The following BBIP1 variants were observed in gnomAD, a reference collection of about 807,000 sequenced individuals.
The protein encoded by BBIP1 is BBSome interacting protein 1.
Under a neutral mutation model 8.9 loss-of-function variants are expected in BBIP1, and 6 were observed. The observed-to-expected ratio is 0.67, with a 90% CI of 0.37 to 1.33. The LOEUF is 1.33. Among genes scored for constraint, BBIP1 ranks in the 40% most tolerant of loss-of-function variants. BBIP1 has a pLI of 0.02. For synonymous variants in BBIP1, 32 were observed against 33.4 expected, an observed-to-expected ratio of 0.96 and a Z score of 0.14; for missense variants, 111 against 109.2, an observed-to-expected ratio of 1.02 and a Z score of -0.07.
At chr10:110,915,500 G>A (rs1253019756) in intron 2 of BBIP1, among the ~76,000 whole-genome samples, 2 of 152,060 alleles carry the variant, frequency 1.3e-5, no homozygotes, top group Admixed American at 6.5e-5. Context: ...GAGAACTACT[G>A]TCATAGATTC....
chr10:110,905,766 T>C (rs1846117630), intron 2 of BBIP1, among the ~76,000 whole-genome samples: 1 of 152,188 alleles, frequency 6.6e-6, no homozygotes, highest in African/African-American at 2.4e-5. Context: ...GATGTTTAAA[T>C]TTCTTATCAT....
At chr10:110,914,828 A>G (rs1435719518) in intron 2 of BBIP1, among the ~76,000 whole-genome samples, 1 of 152,230 alleles carries the variant, frequency 6.6e-6, no homozygotes, top group Non-Finnish European at 1.5e-5. Flanking sequence ...CCAGTAGCAG[A>G]CACTACTATT....
chr10:110,900,549 A>G (rs1465315406), intron 3 of BBIP1, 23 bp from the exon 4 acceptor site: 29 of 1,500,154 alleles, frequency 1.9e-5, no homozygotes, highest in Non-Finnish European at 2.5e-5. Context: ...AGAAATAAGA[A>G]TTAATTCAAG....
At chr10:110,911,855 T>A (rs1317762599) in intron 2 of BBIP1, 1 of 152,088 alleles carries the variant, frequency 6.6e-6, no homozygotes, top group African/African-American at 2.4e-5. Context: ...TGAAGGAATA[T>A]CAACATTTAA....
rs758966750 is a variant in BBIP1 at position 110,901,538 on chromosome 10, C to G, written c.112G>C (p.Gly38Arg). Reference sequence around the variant, plus strand: ...ACCTCAATATTTGTGATGTACATACCTTGCTTTGGAAGAACTTCCCGGAAC... The same window carrying G: ...ACCTCAATATTTGTGATGTACATACGTTGCTTTGGAAGAACTTCCCGGAAC... ...SMFREVLPKQ[G>R]PLFVEDIMTM... is the part of the protein sequence containing the mutation. The change falls in exon 3 of 4, where the codon GGG (glycine) becomes CGG (arginine). Residue 38 changes from glycine (G) to arginine (R), a missense_variant and splice_region_variant. Coordinates refer to ENST00000448814, the MANE Select transcript of BBIP1 (RefSeq NM_001195305.3). The G allele has an allele frequency of 1.3e-6, 2 of 1,530,996 alleles. No individual in the cohort carries two copies. The highest frequency in any genetic ancestry group is 1.8e-6 in the Non-Finnish European group (2 of 1,142,298). 94.8% of individuals were successfully genotyped at this position (1,530,996 alleles called of 1,614,324 possible).
chr10:110,903,185 G>C (rs1044448452), intron 2 of BBIP1: 6 of 152,174 alleles, frequency 3.9e-5, no homozygotes, highest in African/African-American at 1.2e-4. Flanking sequence ...TGCTAAAGTG[G>C]TAGATAAACA....
chr10:110,917,178 T>C (rs1846426566), intron 2 of BBIP1, among the ~76,000 whole-genome samples: 1 of 149,196 alleles, frequency 6.7e-6, no homozygotes, highest in Non-Finnish European at 1.5e-5. Context: ...TAAAGAAAAA[T>C]TTTGACTGGA....
chr10:110,907,545 G>T, intron 2 of BBIP1: 2 of 461,784 alleles, frequency 4.3e-6, no homozygotes, highest in East Asian at 3.5e-5. Context: ...AGAAAAGAAA[G>T]AAAAATGGTG....
intron 2 of BBIP1, among the ~76,000 whole-genome samples, chr10:110,916,813 T>C (rs2134049481): frequency 6.6e-6 from 1 of 152,312 alleles, no homozygotes; most frequent in South Asian, 2.1e-4. Flanking sequence ...AGGTAGTCAA[T>C]GTTGCCAACC....
intron 2 of BBIP1, among the ~76,000 whole-genome samples, chr10:110,914,566 T>C (rs920301725): frequency 2.6e-5 from 4 of 152,212 alleles, no homozygotes; most frequent in African/African-American, 9.6e-5. Flanking sequence ...TTAATTTGGA[T>C]TGATAATGTT....
Position 110,912,707 on chromosome 10 carries a change from T to G in BBIP1, c.37+5414A>C, listed in dbSNP as rs377693152. Among the ~76,000 whole-genome samples the G allele has an allele frequency of 3.1e-3, 479 of 152,286 alleles. 27 individuals are homozygous for G. The South Asian group carries it at 0.092, about 29-fold the overall frequency. On this transcript the variant is annotated intron_variant, in intron 2 of 3. Transcript: ENST00000448814. ...GATGGGATTCGGATGTTTTTAAAAC[T>G]GTCCTCCCCACACTAAGTCTCCTTA...
At chr10:110,915,492 GAAC>G (rs1846381443) in intron 2 of BBIP1, among the ~76,000 whole-genome samples, 1 of 152,090 alleles carries the variant, frequency 6.6e-6, no homozygotes, top group Non-Finnish European at 1.5e-5. Flanking sequence ...AAACTTAAGA[GAAC>G]TACTGTCATA....
intron 2 of BBIP1, among the ~76,000 whole-genome samples, chr10:110,906,244 G>C (rs1269881962): frequency 2.0e-5 from 3 of 152,128 alleles, no homozygotes; most frequent in Non-Finnish European, 4.4e-5. Flanking sequence ...CTGACCTCGT[G>C]ATCCGCCCAC....
intron 2 of BBIP1, among the ~76,000 whole-genome samples, chr10:110,912,502 C>G (rs893045741): frequency 2.6e-5 from 4 of 152,184 alleles, no homozygotes. Context: ...CTATTTTCAT[C>G]TAGCCATCTG....
intron 2 of BBIP1, chr10:110,907,522 AAAAAAAAAG>A: frequency 2.0e-6 from 1 of 494,442 alleles, no homozygotes; most frequent in Middle Eastern, 2.9e-4. Flanking sequence ...CAAGAAAAAA[AAAAAAAAAG>A]AAAAGAAAAG....
intron 2 of BBIP1, chr10:110,907,588 T>C (rs776153373): frequency 5.2e-5 from 26 of 496,028 alleles, no homozygotes; most frequent in Non-Finnish European, 6.4e-5. Flanking sequence ...TGAAGCATGA[T>C]GGTTTATCCA....
chr10:110,905,877 T>C (rs1215477609), intron 2 of BBIP1, among the ~76,000 whole-genome samples: 1 of 152,058 alleles, frequency 6.6e-6, no homozygotes, highest in Non-Finnish European at 1.5e-5. Context: ...ATAACAGCAA[T>C]TTGATAGCTA....
At chr10:110,909,472 G>A (rs1289846611) in intron 2 of BBIP1, among the ~76,000 whole-genome samples, 1 of 152,200 alleles carries the variant, frequency 6.6e-6, no homozygotes, top group Admixed American at 6.5e-5. Flanking sequence ...GGGATTACAG[G>A]CATGAGCCAC....
At chr10:110,908,467 A>C (rs529973223) in intron 2 of BBIP1, among the ~76,000 whole-genome samples, 209 of 152,364 alleles carry the variant, frequency 1.4e-3, no homozygotes, top group African/African-American at 4.7e-3. Flanking sequence ...AACAAAACTG[A>C]AGTATTCAAA....
Sources: allele counts gnomAD v4.1 joint callset (sites outside exome capture counted in the v4.1 genomes callset), GRCh38; gene constraint gnomAD v4.1.1; transcripts MANE v1.5; gene names NCBI Gene and HGNC (gene_info 2026-07-23, HGNC 2026-07-21).